The following THSD4 variants were observed in gnomAD, a reference collection of about 807,000 sequenced individuals.
THSD4 encodes the protein thrombospondin type-1 domain-containing protein 4.
In THSD4, 69 loss-of-function variants were observed where a neutral mutation model predicts 119.0. The observed-to-expected ratio is 0.58, with a 90% confidence interval of 0.48 to 0.71. The LOEUF is 0.71. THSD4 is among the 30% of genes least tolerant of loss of function. THSD4 has a pLI of 0.00. For synonymous variants in THSD4, 524 were observed against 540.4 expected (o/e 0.97, Z 0.42); for missense variants, 1,393 against 1,391.1 (o/e 1.00, Z -0.02).
intron 7 of THSD4, among the ~76,000 whole-genome samples, chr15:71,640,475 G>C (rs1309615261): frequency 6.6e-6 from 1 of 152,040 alleles, no homozygotes; most frequent in Non-Finnish European, 1.5e-5. Context: ...GGGTTGCCAG[G>C]ACTGGTCTCA....
chr15:71,728,464 A>C, intron 8 of THSD4, 85 bp from the exon 9 acceptor site: 1 of 1,511,422 alleles, frequency 6.6e-7, no homozygotes, highest in Non-Finnish European at 9.0e-7. Context: ...TTGATGAATG[A>C]AGAAGCCAGA....
chr15:71,299,173 G>T (rs2044909994), intron 6 of THSD4, among the ~76,000 whole-genome samples: 1 of 152,186 alleles, frequency 6.6e-6, no homozygotes. Context: ...AATATATTTT[G>T]AAGTTTTAAA....
intron 7 of THSD4, among the ~76,000 whole-genome samples, chr15:71,593,788 C>T (rs190586058): frequency 2.1e-4 from 32 of 152,152 alleles, no homozygotes; most frequent in South Asian, 1.5e-3. Flanking sequence ...CCTGTAGTCC[C>T]AGCTACTTGG....
intron 7 of THSD4, among the ~76,000 whole-genome samples, chr15:71,446,856 A>G (rs764778062): frequency 1.3e-5 from 2 of 152,142 alleles, no homozygotes; most frequent in Non-Finnish European, 2.9e-5. Context: ...TTTCTTGTGC[A>G]TGCTCTTTAA....
At chr15:71,743,925 C>T (rs896433936) in intron 11 of THSD4, among the ~76,000 whole-genome samples, 3 of 152,186 alleles carry the variant, frequency 2.0e-5, no homozygotes. Flanking sequence ...GGCCAATTAG[C>T]AACAGAGATA....
At chr15:71,756,171 A>G (rs1056345352) in intron 14 of THSD4, among the ~76,000 whole-genome samples, 9 of 152,196 alleles carry the variant, frequency 5.9e-5, no homozygotes, top group African/African-American at 2.2e-4. Flanking sequence ...TGGCAGCCCA[A>G]TGCATTGGAA....
intron 7 of THSD4, among the ~76,000 whole-genome samples, chr15:71,475,229 C>T (rs1195779975): frequency 6.6e-6 from 1 of 152,164 alleles, no homozygotes; most frequent in Non-Finnish European, 1.5e-5. Flanking sequence ...GTCTCATGAA[C>T]CTTTGTTTAT....
At chr15:71,396,047 T>C (rs933919473) in intron 6 of THSD4, among the ~76,000 whole-genome samples, 1 of 151,838 alleles carries the variant, frequency 6.6e-6, no homozygotes, top group Non-Finnish European at 1.5e-5. Flanking sequence ...TTCCACCTGA[T>C]GAACCCGTGT....
chr15:71,558,567 G>C (rs549743688), intron 7 of THSD4, among the ~76,000 whole-genome samples: 1 of 152,226 alleles, frequency 6.6e-6, no homozygotes, highest in African/African-American at 2.4e-5. Flanking sequence ...CTCCTGGGCT[G>C]AAGTGATCCT....
chr15:71,720,530 G>T (rs1385961973), intron 8 of THSD4, among the ~76,000 whole-genome samples: 1 of 152,186 alleles, frequency 6.6e-6, no homozygotes, highest in African/African-American at 2.4e-5. Flanking sequence ...ACTATTATGG[G>T]TGTTACCACA....
chr15:71,631,953 T>G lies in THSD4; in HGVS notation c.1153-28577T>G, dbSNP rs543545552. On this transcript the variant is annotated intron_variant, in intron 7 of 17. Transcript: ENST00000261862. Reference sequence around the variant, plus strand: ...GCTTTGGAGTCACTACAGTTGTGTTTAGTTCTCAGCTTTGTGTCTTACTAG... The same window carrying G: ...GCTTTGGAGTCACTACAGTTGTGTTGAGTTCTCAGCTTTGTGTCTTACTAG... 4.5e-4 allele frequency among the ~76,000 whole-genome samples: 69 copies of G among 152,346 alleles called. No homozygotes were observed. In the South Asian group the frequency reaches 0.014, roughly 31 times the overall value.
At chr15:71,538,260 A>G (rs1230826324) in intron 7 of THSD4, among the ~76,000 whole-genome samples, 1 of 152,216 alleles carries the variant, frequency 6.6e-6, no homozygotes, top group Non-Finnish European at 1.5e-5. Context: ...TAAAACCTAT[A>G]ATCCACCTGC....
rs370287029 is a variant in THSD4, at chr15:71,561,123, T to C, written c.1153-99407T>C. 9.5e-4 allele frequency among the ~76,000 whole-genome samples: 145 copies of C among 152,052 alleles called. 1 individual carries two copies. The highest frequency in any genetic ancestry group is 2.7e-3 in the African/African-American group (113 of 41,484). On this transcript the variant is annotated intron_variant, in intron 7 of 17. Transcript: ENST00000261862. ...CCGAGTAGCTGGGACTACAGGCGCCTGCCACCACACCCGGCTCATTTTTTG... is the reference window on the plus strand; with the variant it reads ...CCGAGTAGCTGGGACTACAGGCGCCCGCCACCACACCCGGCTCATTTTTTG...
At chr15:71,413,708 T>C (rs2046720357) in intron 7 of THSD4, among the ~76,000 whole-genome samples, 1 of 152,252 alleles carries the variant, frequency 6.6e-6, no homozygotes. Flanking sequence ...GAAGTATCTT[T>C]GGAAGAGCAA....
intron 7 of THSD4, among the ~76,000 whole-genome samples, chr15:71,558,749 A>G (rs9920030): frequency 0.98 from 148,872 of 152,326 alleles, 72,861 homozygotes; most frequent in Middle Eastern, 1. Flanking sequence ...GGGATTACAC[A>G]CGTGAGCCAC....
In THSD4 at chr15:71,660,550, C is replaced by T. The variant is rs1173004155; in HGVS notation, c.1173C>T (p.Tyr391=). 1.9e-6 allele frequency: 3 copies of T among 1,614,046 alleles called. No homozygotes were observed. The highest frequency in any genetic ancestry group is 1.1e-5 in the South Asian group (1 of 91,082). ...TGCAGAGCATTGGCTGTGATGACTA[C>T]TTAGGCTCCGACAAAGTCGTGGACA... ...GQCKSIGCDD[Y]LGSDKVVDKC... is the part of the protein sequence containing the mutation. Residue 391 remains tyrosine, a synonymous_variant, in exon 8 of 18, where the codon TAC becomes TAT. Transcript: ENST00000261862.
intron 1 of THSD4, among the ~76,000 whole-genome samples, chr15:71,124,710 T>C (rs2040438065): frequency 6.6e-6 from 1 of 152,202 alleles, no homozygotes; most frequent in African/African-American, 2.4e-5. Context: ...CCCAATAACC[T>C]TATTAATATT....
upstream of THSD4, chr15:71,112,224 G>C (rs368872597): frequency 1.2e-6 from 2 of 1,612,640 alleles, no homozygotes; most frequent in Non-Finnish European, 1.7e-6. Context: ...GCTGTAGGCA[G>C]AGGGCTGATC....
chr15:71,434,434 CTTTTTTTTTTTTTTT>C (rs34097873), intron 7 of THSD4, among the ~76,000 whole-genome samples: 2 of 82,538 alleles, frequency 2.4e-5, no homozygotes, highest in African/African-American at 9.7e-5. Context: ...TCAGTGGTCC[CTTTTTTTTTTTTTTT>C]TTTTTTTTTT....
Sources: gnomAD v4.1 joint callset for allele counts (sites outside exome capture counted in the v4.1 genomes callset) on GRCh38, gnomAD v4.1.1 for gene constraint, MANE v1.5 for transcripts, NCBI Gene and HGNC (gene_info 2026-07-23, HGNC 2026-07-21) for gene names.